COL18A1: variants seen among roughly 807,000 people sequenced by gnomAD.
COL18A1 encodes the protein collagen alpha-1(XVIII) chain.
COL18A1 carries 133 observed loss-of-function variants against 168.0 expected under a neutral mutation model. The observed-to-expected ratio is 0.79, with a 90% CI of 0.69 to 0.91. COL18A1 has a LOEUF of 0.91. Among genes scored for constraint, COL18A1 ranks in the 40% least tolerant of loss-of-function variants. The pLI is 0.00. For missense variants in COL18A1, 2,126 were observed against 1,925.4 expected (o/e 1.10, Z -1.95); for synonymous variants, 949 against 809.0 (o/e 1.17, Z -2.94).
Position 45,511,078 on chromosome 21 carries a change from AC to A in COL18A1, c.3694-31del, listed in dbSNP as rs1555876756. ...CCCACACCCATCCACACCCCCACAC[AC>A]CACACACACATACACACGGTTTCTC... is the stretch of plus-strand genomic sequence containing the variant. On this transcript the variant is annotated intron_variant, in intron 40 of 41. Transcript: ENST00000651438. The A allele has an allele frequency of 3.6e-4, 352 of 964,456 alleles. 4 individuals are homozygous for A. In the African/African-American group the frequency reaches 4.5e-3, roughly 12 times the overall value. The allele number at this position is 964,456 out of a possible 1,614,324, so 59.7% of individuals were successfully genotyped here. A position where few individuals can be genotyped will look rare whatever the true frequency, so the allele number is the denominator to read the frequency against.
chr21:45,511,808 T>TGGGCA (rs1220035148), intron 41 of COL18A1, among the ~76,000 whole-genome samples: 1 of 152,072 alleles, frequency 6.6e-6, no homozygotes, highest in Non-Finnish European at 1.5e-5. Context: ...AGGAGTGCTG[T>TGGGCA]GGGCAGGGCT....
rs1403955298 is a variant in COL18A1 at position 45,491,105 on chromosome 21, G to A, written c.2068-120G>A. 7.4e-6 allele frequency: 7 copies of A among 942,048 alleles called. No individual in the cohort carries two copies. The East Asian group carries it at 1.5e-4, about 20-fold the overall frequency. The allele number at this position is 942,048 out of a possible 1,614,324, so 58.4% of individuals were successfully genotyped here. A position where few individuals can be genotyped will look rare whatever the true frequency, so the allele number is the denominator to read the frequency against. ...GGGGGCTCCAAGGCCACAGTCCACAGCCCCGGGCGCCTCCTCACCCACCGT... is the reference window on the plus strand; with the variant it reads ...GGGGGCTCCAAGGCCACAGTCCACAACCCCGGGCGCCTCCTCACCCACCGT... On this transcript the variant is annotated intron_variant, in intron 21 of 41. Coordinates refer to ENST00000651438, the MANE Select transcript of COL18A1 (RefSeq NM_001379500.1).
intron 32 of COL18A1, among the ~76,000 whole-genome samples, chr21:45,503,457 T>TA (rs1308734757): frequency 2.0e-5 from 3 of 152,048 alleles, no homozygotes; most frequent in South Asian, 4.2e-4. Flanking sequence ...TACGCAGCCA[T>TA]AAAAAATGAT....
rs2035760490 is a variant in COL18A1 at position 45,478,390 on chromosome 21, G to T, written c.1248+37G>T. On this transcript the variant is annotated intron_variant, in intron 9 of 41. Transcript: ENST00000651438. ...TTTCTTTCTGACCCCTGTGTTATCT[G>T]TGATGTTTGCTTAGACCCCAGGGCT... 1.9e-6 allele frequency: 3 copies of T among 1,614,146 alleles called. No individual in the cohort carries two copies. In the East Asian group the frequency reaches 6.7e-5, roughly 36 times the overall value.
chr21:45,438,248 G>GCA (rs748483409), intron 2 of COL18A1, among the ~76,000 whole-genome samples: 16 of 77,242 alleles, frequency 2.1e-4, no homozygotes, highest in Non-Finnish European at 2.4e-4. Flanking sequence ...GCACTCTCCT[G>GCA]CACACACACA....
Position 45,464,912 on chromosome 21 carries a change from C to CA in COL18A1, c.107-3329dup, listed in dbSNP as rs531505210. ...TGGGTTCCAGCTGTTGTGCCGTGGACATCCTTGGGGCCATGGCTCTGCCCA... is the reference window on the plus strand; with the variant it reads ...TGGGTTCCAGCTGTTGTGCCGTGGACAATCCTTGGGGCCATGGCTCTGCCCA... On this transcript the variant is annotated intron_variant, in intron 2 of 41. Coordinates refer to ENST00000651438, the MANE Select transcript of COL18A1 (RefSeq NM_001379500.1). Among the ~76,000 whole-genome samples, 357 of 152,358 alleles carry CA rather than the reference C, an allele frequency of 2.3e-3. 1 individual carries two copies. Among genetic ancestry groups the CA allele is most frequent in the African/African-American group, 8.3e-3 (345 of 41,588 alleles).
chr21:45,439,546 A>C (rs1213818042), intron 2 of COL18A1, among the ~76,000 whole-genome samples: 1 of 149,496 alleles, frequency 6.7e-6, no homozygotes, highest in Non-Finnish European at 1.5e-5. Context: ...CCTGCTGAGA[A>C]ATGCCTGGGC....
rs2838952 is a variant in COL18A1, at chr21:45,510,249, C to T, written c.3681C>T (p.Ile1227=). ...GTGCCGACCGCGCAGCCGTGCCCATCGTCAACCTCAAGGTGGGTCAGTCCA... is the reference window on the plus strand; with the variant it reads ...GTGCCGACCGCGCAGCCGTGCCCATTGTCAACCTCAAGGTGGGTCAGTCCA... ...VRRADRAAVP[I]VNLKDELLFP... is the part of the protein sequence containing the mutation. The change falls in exon 40 of 42, where the codon ATC becomes ATT. Residue 1227 remains isoleucine, a synonymous_variant. Transcript: ENST00000651438. 0.032 allele frequency: 51,179 copies of T among 1,604,708 alleles called. 1,174 individuals are homozygous for T. Among genetic ancestry groups the T allele is most frequent in the Admixed American group, 0.12 (6,800 of 59,032 alleles).
In COL18A1 at chr21:45,471,267, TTC is replaced by T. The variant is rs2035420749; in HGVS notation, c.651+2485_651+2486del. Among the ~76,000 whole-genome samples, 1 of 152,180 alleles carries T rather than the reference TTC, an allele frequency of 6.6e-6. No individual in the cohort carries two copies. Among genetic ancestry groups the T allele is most frequent in the Admixed American group, 6.5e-5 (1 of 15,280 alleles). On this transcript the variant is annotated intron_variant, in intron 3 of 41. Transcript: ENST00000651438. The surrounding 1 kb of genome is among the most constrained non-coding windows in gnomAD (Gnocchi z 4.4). ...CTGCAGGCCTCAGGTGTCAGGAACT[TTC>T]TCTTTGGGTCTTAGATGAGATTCCA...
chr21:45,505,490 C>T (rs1301079697), intron 36 of COL18A1, 59 bp downstream of exon 36: 2 of 894,110 alleles, frequency 2.2e-6, no homozygotes, highest in Admixed American at 2.0e-5. Context: ...GGTTCTGCAG[C>T]CCCTGCCCCT....
At position 45,504,523 on chromosome 21, in the gene COL18A1, CCCCCCAGG is replaced by C. The variant is rs2037066973; in HGVS notation, c.2839_2846del (p.Pro947ThrfsTer137). On this transcript the variant is annotated frameshift_variant, in exon 34 of 42. Coordinates refer to ENST00000651438, the MANE Select transcript of COL18A1 (RefSeq NM_001379500.1). LOFTEE classifies it high-confidence loss of function. Reference sequence around the variant, plus strand: ...TGCCCGGCCCCCCCGGCCCCCCAGGCCCCCCAGGCCCACGTGGCTACCCTGGGATTCCA... The same window carrying C: ...TGCCCGGCCCCCCCGGCCCCCCAGGCCCCACGTGGCTACCCTGGGATTCCA... 1 of 1,510,642 alleles carries C rather than the reference CCCCCCAGG, an allele frequency of 6.6e-7. No individual in the cohort carries two copies. The allele number at this position is 1,510,642 out of a possible 1,614,324, so 93.6% of individuals were successfully genotyped here. A position where few individuals can be genotyped will look rare whatever the true frequency, so the allele number is the denominator to read the frequency against.
rs779375633 is a variant in COL18A1 at position 45,473,301 on chromosome 21, G to A, written c.652-594G>A. 6.6e-6 allele frequency among the ~76,000 whole-genome samples: 1 copy of A among 152,264 alleles called. No homozygotes were observed. The highest frequency in any genetic ancestry group is 1.5e-5 in the Non-Finnish European group (1 of 68,054). Reference sequence around the variant, plus strand: ...CAGGACTGAAGATGCCAGAGGGAGCGGTGGGTAGGTGGGTGAGTGAGTGAG... The same window carrying A: ...CAGGACTGAAGATGCCAGAGGGAGCAGTGGGTAGGTGGGTGAGTGAGTGAG... On this transcript the variant is annotated intron_variant, in intron 3 of 41. Transcript: ENST00000651438. This position sits in a 1 kb window ranked among gnomAD's most constrained non-coding sequence, Gnocchi z 4.0.
chr21:45,475,146 C>T (rs371484933), intron 4 of COL18A1, among the ~76,000 whole-genome samples: 4 of 152,358 alleles, frequency 2.6e-5, no homozygotes, highest in East Asian at 1.9e-4. Context: ...ATCTGCGGTG[C>T]GGCCTCCTCC....
In COL18A1 at chr21:45,419,284, C is replaced by T. The variant is rs115082515; in HGVS notation, c.106+13811C>T. ...GCAGTTCCGTGTAGTGACGTGATGC[C>T]GGGTAGTGACGTGATGCCGTGTAGT... On this transcript the variant is annotated intron_variant, in intron 2 of 41. Transcript: ENST00000651438. 2.1e-3 allele frequency among the ~76,000 whole-genome samples: 317 copies of T among 151,270 alleles called. 1 individual carries two copies. Among genetic ancestry groups the T allele is most frequent in the African/African-American group, 6.9e-3 (286 of 41,160 alleles).
intron 32 of COL18A1, among the ~76,000 whole-genome samples, chr21:45,500,424 GGT>G (rs1240433023): frequency 8.4e-5 from 12 of 142,904 alleles, no homozygotes; most frequent in African/African-American, 1.8e-4. Flanking sequence ...TGTGGTGTGG[GGT>G]GTGTGTGGAG....
intron 2 of COL18A1, among the ~76,000 whole-genome samples, chr21:45,452,807 T>C (rs1190825338): frequency 6.6e-6 from 1 of 151,878 alleles, no homozygotes; most frequent in Non-Finnish European, 1.5e-5. Context: ...CATATGTGAT[T>C]GTGTATGCAT....
intron 17 of COL18A1, 159 bp downstream of exon 17, chr21:45,487,668 C>T: frequency 1.1e-6 from 1 of 908,426 alleles, no homozygotes; most frequent in Non-Finnish European, 1.8e-6. Flanking sequence ...CCGCGGGCCA[C>T]CCTTGTTCTT....
chr21:45,441,228 G>C (rs925040321), intron 2 of COL18A1, among the ~76,000 whole-genome samples: 11 of 152,148 alleles, frequency 7.2e-5, no homozygotes, highest in African/African-American at 2.4e-4. Flanking sequence ...GCGTGGCCCT[G>C]GTCCCTCACC....
chr21:45,483,269 C>T (rs183074852), intron 15 of COL18A1, among the ~76,000 whole-genome samples: 106 of 152,280 alleles, frequency 7.0e-4, no homozygotes, highest in South Asian at 1.7e-3. Flanking sequence ...CCACCCGTCC[C>T]GCAGGCTCAT....
Sources: gnomAD v4.1 joint callset for allele counts (sites outside exome capture counted in the v4.1 genomes callset) on GRCh38, gnomAD v4.1.1 for gene constraint, Gnocchi (gnomAD v3.1) non-coding constraint, MANE v1.5 for transcripts, NCBI Gene and HGNC (gene_info 2026-07-23, HGNC 2026-07-21) for gene names.